The following ESR1 variants were observed in gnomAD, a reference collection of about 807,000 sequenced individuals.
ESR1 encodes estrogen receptor.
ESR1 carries 12 observed loss-of-function variants against 52.7 expected under a neutral mutation model. That is an observed-to-expected ratio of 0.23 (90% confidence interval 0.15 to 0.37). The LOEUF is 0.37. ESR1 is among the 10% of genes least tolerant of loss of function. The pLI, the probability that ESR1 is intolerant of heterozygous loss-of-function variation, is 1.00. For synonymous variants in ESR1, 305 were observed against 316.8 expected, an observed-to-expected ratio of 0.96 and a Z score of 0.39; for missense variants, 584 against 779.7, an observed-to-expected ratio of 0.75 and a Z score of 2.99.
At chr6:152,012,004 C>T (rs747824452) in intron 5 of ESR1, among the ~76,000 whole-genome samples, 1 of 132,546 alleles carries the variant, frequency 7.5e-6, no homozygotes, top group Non-Finnish European at 1.6e-5. Flanking sequence ...CAGAAGAATT[C>T]TATTATTTCT....
intron 1 of ESR1, among the ~76,000 whole-genome samples, chr6:151,667,834 C>T (rs976183416): frequency 1.3e-5 from 2 of 152,164 alleles, no homozygotes; most frequent in African/African-American, 2.4e-5. Context: ...GAAGCCTCCT[C>T]CTTCAGAGTG....
chr6:151,688,372 C>T (rs1778769456), upstream of ESR1, among the ~76,000 whole-genome samples: 1 of 152,158 alleles, frequency 6.6e-6, no homozygotes, highest in East Asian at 1.9e-4. Flanking sequence ...AGCATGGAGG[C>T]TTGAGTTGGT....
At chr6:151,943,829 C>G (rs943996546) in intron 3 of ESR1, among the ~76,000 whole-genome samples, 1 of 152,142 alleles carries the variant, frequency 6.6e-6, no homozygotes, top group East Asian at 1.9e-4. Context: ...CCTAGTGTGT[C>G]GGAATCAGTT....
At chr6:151,744,763 G>T (rs1263358988) in intron 2 of ESR1, among the ~76,000 whole-genome samples, 4 of 152,240 alleles carry the variant, frequency 2.6e-5, no homozygotes, top group African/African-American at 7.2e-5. Flanking sequence ...TGTGCTTTAT[G>T]TGCATATCTA....
chr6:151,977,703 A>G (rs2039573589), intron 4 of ESR1, among the ~76,000 whole-genome samples: 1 of 151,958 alleles, frequency 6.6e-6, no homozygotes, highest in African/African-American at 2.4e-5. Context: ...GCTGAGGCAC[A>G]AGAATTGCTT....
At chr6:151,924,768 C>G (rs534571028) in intron 3 of ESR1, among the ~76,000 whole-genome samples, 2 of 152,224 alleles carry the variant, frequency 1.3e-5, no homozygotes, top group Admixed American at 6.5e-5. Flanking sequence ...GACATGCTCT[C>G]GTGTTTTTTT....
rs1585262535 is a variant in ESR1, at chr6:152,100,982, T to A, written c.*2016T>A. 4.3e-6 allele frequency: 1 copy of A among 231,216 alleles called. No homozygotes were observed. The highest frequency in any genetic ancestry group is 5.7e-5 in the Admixed American group (1 of 17,690). The allele number at this position is 231,216 out of a possible 1,614,324, so 14.3% of individuals were successfully genotyped here. A position where few individuals can be genotyped will look rare whatever the true frequency, so the allele number is the denominator to read the frequency against. On this transcript the variant is annotated 3_prime_UTR_variant, in exon 8 of 8. Coordinates refer to ENST00000206249, the MANE Select transcript of ESR1 (RefSeq NM_000125.4). The stretch of plus-strand genomic sequence containing the variant: ...AGACAATTGAATGTAGTAATTCTGT[T>A]CTGGATTTAATTTGACTGGGTTAAC...
At chr6:151,854,020 C>T (rs2128265529) in intron 2 of ESR1, among the ~76,000 whole-genome samples, 1 of 152,122 alleles carries the variant, frequency 6.6e-6, no homozygotes, top group East Asian at 1.9e-4. Flanking sequence ...TGGTTCGTGG[C>T]CTAATTCCAC....
chr6:151,893,495 T>C (rs944429796), intron 3 of ESR1, among the ~76,000 whole-genome samples: 1 of 151,306 alleles, frequency 6.6e-6, no homozygotes, highest in African/African-American at 2.4e-5. Context: ...AAAATTTATA[T>C]TTTTTATATT....
intron 5 of ESR1, among the ~76,000 whole-genome samples, chr6:152,056,472 A>C (rs543996311): frequency 6.6e-6 from 1 of 152,218 alleles, no homozygotes; most frequent in African/African-American, 2.4e-5. Flanking sequence ...TGTAAGGCAT[A>C]TTTTTGAAGA....
intron 3 of ESR1, among the ~76,000 whole-genome samples, chr6:151,891,325 T>C (rs1794668784): frequency 1.3e-5 from 2 of 152,190 alleles, no homozygotes; most frequent in Admixed American, 1.3e-4. Context: ...GGGTTTATCT[T>C]GTTTGTACAA....
At chr6:151,746,630 G>C (rs1016130879) in intron 2 of ESR1, among the ~76,000 whole-genome samples, 2 of 152,204 alleles carry the variant, frequency 1.3e-5, no homozygotes, top group Admixed American at 6.5e-5. Context: ...TATCTTAACT[G>C]AGTCTGATTT....
chr6:151,726,336 CT>C (rs35800682), intron 2 of ESR1, among the ~76,000 whole-genome samples: 99 of 147,238 alleles, frequency 6.7e-4, no homozygotes, highest in Non-Finnish European at 6.2e-4. Flanking sequence ...TAAAGATTTT[CT>C]TTTTTTTTTT....
intron 1 of ESR1, among the ~76,000 whole-genome samples, chr6:151,658,502 A>G (rs1777532273): frequency 6.6e-6 from 1 of 152,208 alleles, no homozygotes; most frequent in South Asian, 2.1e-4. Context: ...ACTCTATTCT[A>G]AAGACTGCTG....
At chr6:151,853,201 GAA>G (rs1360128680) in intron 2 of ESR1, among the ~76,000 whole-genome samples, 9 of 117,862 alleles carry the variant, frequency 7.6e-5, no homozygotes, top group African/African-American at 2.3e-4. Flanking sequence ...AAAAAAAAGA[GAA>G]AGAAAGAAAG....
upstream of ESR1, among the ~76,000 whole-genome samples, chr6:151,806,261 G>T (rs192798990): frequency 6.7e-4 from 102 of 152,092 alleles, no homozygotes; most frequent in African/African-American, 2.4e-3. Flanking sequence ...TCCAACAATG[G>T]TCTATTTTTG....
intron 6 of ESR1, among the ~76,000 whole-genome samples, chr6:152,091,140 T>C (rs1466585199): frequency 6.6e-6 from 1 of 152,218 alleles, no homozygotes; most frequent in Middle Eastern, 3.2e-3. Flanking sequence ...CCAGCAGCCC[T>C]GTTTTGCTCT....
chr6:151,794,512 A>C (rs1184236466), intron 2 of ESR1, among the ~76,000 whole-genome samples: 1 of 152,184 alleles, frequency 6.6e-6, no homozygotes, highest in Non-Finnish European at 1.5e-5. Context: ...ATTTTTGTGA[A>C]AGCCAAAGTC....
intron 7 of ESR1, among the ~76,000 whole-genome samples, chr6:152,097,647 CA>C (rs2050726567): frequency 6.6e-6 from 1 of 152,138 alleles, no homozygotes; most frequent in African/African-American, 2.4e-5. Context: ...TGTGGTGGGG[CA>C]GCAGAGTTGT....
Sources: gnomAD v4.1 joint callset for allele counts (sites outside exome capture counted in the v4.1 genomes callset) on GRCh38, gnomAD v4.1.1 for gene constraint, MANE v1.5 for transcripts, NCBI Gene and HGNC (gene_info 2026-07-23, HGNC 2026-07-21) for gene names.